LAMA1: variants seen among roughly 807,000 people sequenced by gnomAD.
The protein encoded by LAMA1 is laminin subunit alpha 1, also known as laminin subunit alpha-1.
LAMA1 carries 219 observed loss-of-function variants against 348.7 expected under a neutral mutation model. The observed-to-expected ratio is 0.63, with a 90% CI of 0.56 to 0.70. The LOEUF (loss-of-function observed/expected upper bound fraction) is 0.70, where lower values mean the gene tolerates loss of function less well. Ranked by LOEUF, LAMA1 falls within the 30% of genes least tolerant of loss-of-function variation. The pLI, the probability that LAMA1 is intolerant of heterozygous loss-of-function variation, is 0.00. For synonymous variants in LAMA1, 1,487 were observed against 1,491.0 expected, an observed-to-expected ratio of 1.00 and a Z score of 0.06; for missense variants, 3,744 against 3,888.0, an observed-to-expected ratio of 0.96 and a Z score of 0.99.
chr18:7,094,677 G>T (rs956086933), intron 1 of LAMA1, among the ~76,000 whole-genome samples: 1 of 152,026 alleles, frequency 6.6e-6, no homozygotes, highest in Non-Finnish European at 1.5e-5. Context: ...TAAAACAAAG[G>T]TTTTTGGCTT....
chr18:7,073,373 C>T (rs868471101), intron 3 of LAMA1, among the ~76,000 whole-genome samples: 3 of 152,130 alleles, frequency 2.0e-5, no homozygotes, highest in African/African-American at 7.2e-5. Context: ...CCAGAACTTC[C>T]GAACCTAAAC....
In LAMA1 at chr18:6,948,528, C is replaced by G. The variant is rs771313525; in HGVS notation, c.8585G>C (p.Gly2862Ala). Residue 2862 changes from glycine (G) to alanine (A), a missense_variant, in exon 60 of 63, where the codon GGG becomes GCG. By Grantham distance (60) the Gly-to-Ala change is moderately conservative. Transcript: ENST00000389658. ...CTGTTTGCTGTTAACCGTCACATCCCCAATGCAGGCAGGGATGCTGTGGGT... is the reference window on the plus strand; with the variant it reads ...CTGTTTGCTGTTAACCGTCACATCCGCAATGCAGGCAGGGATGCTGTGGGT... Reference protein sequence around the residue: ...NITHSIPACIGDVTVNSKQLD... With the variant: ...NITHSIPACIADVTVNSKQLD... 1.2e-6 allele frequency: 2 copies of G among 1,614,166 alleles called. No individual in the cohort carries two copies. Among genetic ancestry groups the G allele is most frequent in the Non-Finnish European group, 1.7e-6 (2 of 1,180,036 alleles).
At chr18:7,115,168 C>T (rs964196959) in intron 1 of LAMA1, among the ~76,000 whole-genome samples, 1 of 152,134 alleles carries the variant, frequency 6.6e-6, no homozygotes, top group African/African-American at 2.4e-5. Context: ...CCTCTGAAAT[C>T]CATTCAGGCA....
intron 3 of LAMA1, among the ~76,000 whole-genome samples, chr18:7,078,069 A>AAC (rs1008505808): frequency 1.3e-5 from 2 of 150,550 alleles, no homozygotes; most frequent in Non-Finnish European, 3.0e-5. Context: ...CGTCTCAAAA[A>AAC]AAAAAAAAAA....
chr18:7,031,879 C>CA (rs141608614), intron 16 of LAMA1, among the ~76,000 whole-genome samples, 187 bp downstream of exon 16: 15,515 of 89,514 alleles, frequency 0.17, 1,075 homozygotes, highest in Middle Eastern at 0.29. Context: ...TAACTTTTTT[C>CA]AAAAAAAAAA....
chr18:7,098,462 G>A (rs1463379271), intron 1 of LAMA1, among the ~76,000 whole-genome samples: 7 of 150,540 alleles, frequency 4.6e-5, no homozygotes, highest in Non-Finnish European at 5.9e-5. Flanking sequence ...CTGCCCGGCC[G>A]CCCATCGTCT....
intron 1 of LAMA1, among the ~76,000 whole-genome samples, chr18:7,111,709 T>C (rs2058336790): frequency 6.6e-6 from 1 of 152,342 alleles, no homozygotes; most frequent in East Asian, 1.9e-4. Context: ...CATATTGATA[T>C]TTTAGAAATA....
At chr18:7,006,212 C>G (rs1434940116) in intron 29 of LAMA1, among the ~76,000 whole-genome samples, 13 of 152,102 alleles carry the variant, frequency 8.5e-5, no homozygotes, top group Admixed American at 8.5e-4. Context: ...TGTCCTCGGT[C>G]AGGGCTGCGA....
intron 1 of LAMA1, among the ~76,000 whole-genome samples, chr18:7,104,257 G>A (rs1002709612): frequency 7.9e-5 from 12 of 152,270 alleles, no homozygotes; most frequent in Admixed American, 2.6e-4. Flanking sequence ...GATTACAGGC[G>A]TGAGCCACCG....
intron 1 of LAMA1, among the ~76,000 whole-genome samples, chr18:7,083,623 C>G (rs1222133776): frequency 6.6e-6 from 1 of 152,098 alleles, no homozygotes; most frequent in Non-Finnish European, 1.5e-5. Context: ...TTGTCTTTCA[C>G]TAAAACTAAA....
intron 1 of LAMA1, among the ~76,000 whole-genome samples, chr18:7,107,490 A>G (rs1306684899): frequency 6.6e-6 from 1 of 152,132 alleles, no homozygotes; most frequent in Non-Finnish European, 1.5e-5. Flanking sequence ...GAATGCCAAG[A>G]AGTGTCCTGG....
chr18:6,976,601 T>C (rs868244332), intron 44 of LAMA1, among the ~76,000 whole-genome samples: 12,218 of 148,990 alleles, frequency 0.082, 969 homozygotes, highest in African/African-American at 0.22. Flanking sequence ...TTTATTTATT[T>C]ATTTATTTAT....
At chr18:7,050,614 T>C (rs2058058445) in intron 4 of LAMA1, 80 bp downstream of exon 4, 12 of 1,596,114 alleles carry the variant, frequency 7.5e-6, no homozygotes, top group Non-Finnish European at 1.0e-5. Flanking sequence ...ATCTTTGTAT[T>C]GAGAGAGATC....
chr18:7,064,277 C>T (rs578184688), intron 3 of LAMA1, among the ~76,000 whole-genome samples: 1 of 151,660 alleles, frequency 6.6e-6, no homozygotes, highest in South Asian at 2.1e-4. Context: ...ATAACACCCC[C>T]TCCAAAAAAA....
intron 49 of LAMA1, 125 bp from the exon 50 acceptor site, chr18:6,965,557 C>T: frequency 8.8e-7 from 1 of 1,131,612 alleles, no homozygotes. Flanking sequence ...GCCCCACAGC[C>T]AGAGGTCTAT....
chr18:7,039,992 C>G (rs112785858), intron 10 of LAMA1, 84 bp downstream of exon 10: 17 of 1,504,392 alleles, frequency 1.1e-5, no homozygotes, highest in African/African-American at 1.1e-4. Flanking sequence ...TGCTCAAGAA[C>G]TGATCATTGG....
rs567896700 is a variant in LAMA1 at position 7,107,165 on chromosome 18, C to G, written c.61+10495G>C. Reference sequence around the variant, plus strand: ...ACGGAGTCTCACTCTGTCACCCAGGCTGAAGTGCAGTGGCGTGATCCTGGC... The same window carrying G: ...ACGGAGTCTCACTCTGTCACCCAGGGTGAAGTGCAGTGGCGTGATCCTGGC... On this transcript the variant is annotated intron_variant, in intron 1 of 62. Transcript: ENST00000389658. Among the ~76,000 whole-genome samples the G allele has an allele frequency of 1.3e-4, 19 of 145,982 alleles. No individual in the cohort carries two copies. The East Asian group carries it at 3.8e-3, about 29-fold the overall frequency.
At chr18:6,964,939 T>C in intron 50 of LAMA1, 136 bp from the exon 51 acceptor site, 1 of 1,004,054 alleles carries the variant, frequency 1.0e-6, no homozygotes, top group Non-Finnish European at 1.5e-6. Flanking sequence ...TCAGCTAATG[T>C]TCTTGGCTAT....
chr18:7,055,141 A>AAT (rs1598299314), intron 3 of LAMA1, among the ~76,000 whole-genome samples: 2 of 142,042 alleles, frequency 1.4e-5, no homozygotes, highest in African/African-American at 5.4e-5. Flanking sequence ...TGTGTGTGTA[A>AAT]ATATATATAT....
Sources: gnomAD v4.1 joint callset for allele counts (sites outside exome capture counted in the v4.1 genomes callset) on GRCh38, gnomAD v4.1.1 for gene constraint, MANE v1.5 for transcripts, NCBI Gene and HGNC (gene_info 2026-07-23, HGNC 2026-07-21) for gene names.